The following SUGCT variants were observed in gnomAD, a reference collection of about 807,000 sequenced individuals.
The protein encoded by SUGCT is succinyl-CoA:glutarate CoA-transferase.
A neutral mutation model predicts 55.0 loss-of-function variants in SUGCT; 41 were observed. That is an observed-to-expected ratio of 0.74 (90% CI 0.58 to 0.97). The LOEUF is 0.97. Among genes scored for constraint, SUGCT ranks in the 50% least tolerant of loss-of-function variants. The pLI, the probability that SUGCT is intolerant of heterozygous loss-of-function variation, is 0.00. For missense variants in SUGCT, 568 were observed against 547.8 expected (o/e 1.04, Z -0.37); for synonymous variants, 187 against 200.4 (o/e 0.93, Z 0.56).
intron 9 of SUGCT, among the ~76,000 whole-genome samples, chr7:40,418,197 A>G (rs1402687044): frequency 1.3e-5 from 2 of 152,204 alleles, no homozygotes; most frequent in Non-Finnish European, 2.9e-5. Flanking sequence ...AATAGACACT[A>G]TGTCAGCAGT....
chr7:40,361,559 G>A (rs893336855), intron 9 of SUGCT, among the ~76,000 whole-genome samples: 6 of 151,038 alleles, frequency 4.0e-5, no homozygotes, highest in African/African-American at 1.5e-4. Context: ...GGGCGACACA[G>A]CGAGACTCCA....
intron 12 of SUGCT, among the ~76,000 whole-genome samples, chr7:40,657,728 G>T (rs1801097968): frequency 6.6e-6 from 1 of 152,202 alleles, no homozygotes; most frequent in Non-Finnish European, 1.5e-5. Context: ...TGGAGACGGG[G>T]TTTCGCCATG....
chr7:40,918,675 T>G, the SUGCT span, among the ~76,000 whole-genome samples: 1 of 152,034 alleles, frequency 6.6e-6, no homozygotes, highest in Admixed American at 6.5e-5. Flanking sequence ...ATGATCGAAA[T>G]AAAAGGATAG....
intron 13 of SUGCT, among the ~76,000 whole-genome samples, chr7:40,840,693 A>C (rs2128788754): frequency 6.6e-6 from 1 of 152,238 alleles, no homozygotes; most frequent in African/African-American, 2.4e-5. Flanking sequence ...AAGTAAAAGG[A>C]AGGTATTGAT....
At chr7:40,919,092 T>C in the SUGCT span, among the ~76,000 whole-genome samples, 1 of 152,218 alleles carries the variant, frequency 6.6e-6, no homozygotes. Flanking sequence ...TCCTCTCTAC[T>C]CATTCTAAGT....
intron 9 of SUGCT, among the ~76,000 whole-genome samples, chr7:40,399,443 A>G (rs1437191675): frequency 6.6e-6 from 1 of 152,248 alleles, no homozygotes; most frequent in Non-Finnish European, 1.5e-5. Context: ...AGGTCCAGGC[A>G]TAGAACTACT....
intron 3 of SUGCT, among the ~76,000 whole-genome samples, chr7:40,182,838 T>G (rs1189948733): frequency 6.6e-6 from 1 of 152,160 alleles, no homozygotes; most frequent in Non-Finnish European, 1.5e-5. Context: ...AGCCTAGCTT[T>G]AGCATTGAGA....
chr7:40,163,757 C>T (rs6954096), intron 1 of SUGCT, among the ~76,000 whole-genome samples: 79,958 of 151,628 alleles, frequency 0.53, 21,714 homozygotes, highest in African/African-American at 0.65. Context: ...CTTTAAGTGA[C>T]GAAAAAATGA....
At chr7:40,603,955 T>C (rs1798410627) in intron 12 of SUGCT, among the ~76,000 whole-genome samples, 1 of 152,142 alleles carries the variant, frequency 6.6e-6, no homozygotes, top group Admixed American at 6.6e-5. Context: ...CTATTTACAG[T>C]GAGTTACACC....
intron 13 of SUGCT, among the ~76,000 whole-genome samples, chr7:40,843,544 C>T (rs1162533072): frequency 6.7e-6 from 1 of 148,238 alleles, no homozygotes; most frequent in African/African-American, 2.5e-5. Flanking sequence ...GTGTAGGCCT[C>T]ACTGAGCAGA....
chr7:40,838,951 T>G (rs1793136189), intron 13 of SUGCT, among the ~76,000 whole-genome samples: 4 of 151,852 alleles, frequency 2.6e-5, no homozygotes, highest in Admixed American at 2.0e-4. Context: ...AGAGTTTTTT[T>G]TTTTTTTTTC....
chr7:40,345,129 A>T (rs973218001), intron 9 of SUGCT, among the ~76,000 whole-genome samples: 1 of 152,226 alleles, frequency 6.6e-6, no homozygotes, highest in African/African-American at 2.4e-5. Context: ...CCAGATGAGC[A>T]TAAGAAGTAA....
chr7:40,841,741 C>T (rs943276011), intron 13 of SUGCT, among the ~76,000 whole-genome samples: 4 of 152,168 alleles, frequency 2.6e-5, no homozygotes, highest in Non-Finnish European at 5.9e-5. Context: ...GAAATGTCTT[C>T]CCACTCAGCA....
At chr7:40,801,904 A>T (rs1350693759) in intron 13 of SUGCT, among the ~76,000 whole-genome samples, 1 of 152,140 alleles carries the variant, frequency 6.6e-6, no homozygotes, top group African/African-American at 2.4e-5. Context: ...AGACCAGCTT[A>T]TATAGCTCTT....
intron 11 of SUGCT, among the ~76,000 whole-genome samples, chr7:40,481,836 T>A (rs1228080071): frequency 6.6e-6 from 1 of 152,204 alleles, no homozygotes; most frequent in African/African-American, 2.4e-5. Context: ...TAAGTTACCC[T>A]GTTAAAAAGT....
At chr7:40,474,697 C>T (rs1790566736) in intron 11 of SUGCT, among the ~76,000 whole-genome samples, 1 of 152,114 alleles carries the variant, frequency 6.6e-6, no homozygotes, top group Non-Finnish European at 1.5e-5. Context: ...TGTCAGAAGA[C>T]AAGAAAGGCT....
intron 7 of SUGCT, among the ~76,000 whole-genome samples, chr7:40,264,287 T>C (rs1277577628): frequency 2.0e-5 from 3 of 152,194 alleles, no homozygotes; most frequent in African/African-American, 7.2e-5. Flanking sequence ...TAATAGACTT[T>C]GTTATGCCTG....
At chr7:40,951,494 A>G in the SUGCT span, among the ~76,000 whole-genome samples, 1 of 152,110 alleles carries the variant, frequency 6.6e-6, no homozygotes, top group Non-Finnish European at 1.5e-5. Context: ...GCCTTCTGCT[A>G]GCTTTTGAAT....
chr7:40,319,734 A>G (rs962324261), intron 9 of SUGCT, among the ~76,000 whole-genome samples: 7 of 152,246 alleles, frequency 4.6e-5, no homozygotes, highest in Admixed American at 6.5e-5. Flanking sequence ...AAGATTAAGT[A>G]AGTTAGACAA....
Sources: allele counts gnomAD v4.1 joint callset (sites outside exome capture counted in the v4.1 genomes callset), GRCh38; gene constraint gnomAD v4.1.1; transcripts MANE v1.5; gene names NCBI Gene and HGNC (gene_info 2026-07-23, HGNC 2026-07-21).